The following SLC14A2 variants were observed in gnomAD, a reference collection of about 807,000 sequenced individuals.
SLC14A2 encodes urea transporter 2.
In SLC14A2, 91 loss-of-function variants were observed where a neutral mutation model predicts 104.6. The ratio of observed to expected loss-of-function variants is 0.87; its 90% confidence interval spans 0.73 to 1.04. The LOEUF is 1.04. SLC14A2 is among the 50% of genes least tolerant of loss of function. The pLI is 0.00. For missense variants in SLC14A2, 1,189 were observed against 1,156.0 expected (o/e 1.03, Z -0.41); for synonymous variants, 476 against 466.4 (o/e 1.02, Z -0.27).
At chr18:45,639,391 CAGA>C (rs1568308982) in intron 6 of SLC14A2, among the ~76,000 whole-genome samples, 1 of 152,158 alleles carries the variant, frequency 6.6e-6, no homozygotes, top group Non-Finnish European at 1.5e-5. Flanking sequence ...GTATGGATTT[CAGA>C]AGGTCTAGAG....
intron 4 of SLC14A2, among the ~76,000 whole-genome samples, chr18:45,627,426 A>G (rs1284422139): frequency 6.6e-6 from 1 of 152,230 alleles, no homozygotes; most frequent in Non-Finnish European, 1.5e-5. Flanking sequence ...AGAGCCTACC[A>G]TCTAGTTGAA....
chr18:45,474,386 C>T (rs947561481), intron 1 of SLC14A2, among the ~76,000 whole-genome samples: 1 of 152,074 alleles, frequency 6.6e-6, no homozygotes, highest in Non-Finnish European at 1.5e-5. Flanking sequence ...ATGATGTTGG[C>T]CCAGTAAAAT....
chr18:45,240,571 G>A (rs925634108), intron 1 of SLC14A2, among the ~76,000 whole-genome samples: 2 of 151,830 alleles, frequency 1.3e-5, no homozygotes, highest in African/African-American at 2.4e-5. Context: ...TTTTACAGAT[G>A]AGGAAACTGA....
At chr18:45,593,037 G>T (rs2044671063) in intron 2 of SLC14A2, among the ~76,000 whole-genome samples, 1 of 152,196 alleles carries the variant, frequency 6.6e-6, no homozygotes, top group South Asian at 2.1e-4. Context: ...AACATGTGAG[G>T]CCGGGCGCCG....
In SLC14A2 at chr18:45,627,109, G is replaced by A. The variant is rs2045271735; in HGVS notation, c.483G>A (p.Val161=). Residue 161 remains valine, a synonymous_variant, in exon 4 of 20, where the codon GTG becomes GTA. Transcript: ENST00000255226. ...CAATCACTGGGGGCCTGGGGACAGT[G>A]GTCTCGACCTTAACAGCTCTCGCCT... ...WWTITGGLGT[V]VSTLTALALG... is the part of the protein sequence containing the mutation. 1.9e-6 allele frequency: 3 copies of A among 1,614,130 alleles called. No homozygotes were observed. The highest frequency in any genetic ancestry group is 2.5e-6 in the Non-Finnish European group (3 of 1,180,028).
At chr18:45,381,411 A>G (rs1314503044) in intron 1 of SLC14A2, among the ~76,000 whole-genome samples, 1 of 152,174 alleles carries the variant, frequency 6.6e-6, no homozygotes, top group Admixed American at 6.5e-5. Flanking sequence ...AGAAGGGACG[A>G]CCTCTTGAAC....
At position 45,641,231 on chromosome 18, in the gene SLC14A2, C is replaced by T. The variant is rs2045522373; in HGVS notation, c.1014C>T (p.Phe338=). 2 of 1,614,094 alleles carry T rather than the reference C, an allele frequency of 1.2e-6. No individual in the cohort carries two copies. The highest frequency in any genetic ancestry group is 1.7e-6 in the Non-Finnish European group (2 of 1,179,984). The part of the protein sequence containing the change: ...LLAALSVATP[F]ETIYTGLWSY... Reference sequence around the variant, plus strand: ...TAGCCCTGTCAGTGGCCACACCCTTCGAGACCATCTACACAGGCCTCTGGA... The same window carrying T: ...TAGCCCTGTCAGTGGCCACACCCTTTGAGACCATCTACACAGGCCTCTGGA... The change falls in exon 8 of 20, where the codon TTC becomes TTT. Residue 338 remains phenylalanine (F), a synonymous_variant. Coordinates refer to ENST00000255226, the MANE Select transcript of SLC14A2 (RefSeq NM_007163.4).
chr18:45,564,155 T>C (rs752143960), intron 2 of SLC14A2, among the ~76,000 whole-genome samples: 6 of 152,234 alleles, frequency 3.9e-5, no homozygotes, highest in African/African-American at 1.4e-4. Flanking sequence ...ACAAGATGAA[T>C]GGTGCATATA....
chr18:45,588,034 T>C (rs919409044), intron 2 of SLC14A2, among the ~76,000 whole-genome samples: 3 of 152,082 alleles, frequency 2.0e-5, no homozygotes, highest in African/African-American at 7.2e-5. Flanking sequence ...AAATGCCGGA[T>C]TGACCCTTTT....
chr18:45,456,431 C>A (rs910022767), intron 1 of SLC14A2, among the ~76,000 whole-genome samples: 4 of 152,236 alleles, frequency 2.6e-5, no homozygotes, highest in Admixed American at 1.3e-4. Context: ...ACAGCAAAAG[C>A]TCCCTGAAGG....
At chr18:45,500,360 G>A (rs910654573) in intron 2 of SLC14A2, among the ~76,000 whole-genome samples, 3 of 151,882 alleles carry the variant, frequency 2.0e-5, no homozygotes, top group African/African-American at 4.8e-5. Context: ...GGCGGATCAC[G>A]AGGTCAGGAG....
At chr18:45,209,641 A>G (rs571489152), upstream of SLC14A2, among the ~76,000 whole-genome samples, 6 of 152,098 alleles carry the variant, frequency 3.9e-5, no homozygotes, top group African/African-American at 1.2e-4. Flanking sequence ...CTAGGTTTCA[A>G]GTTAGTTAGA....
intron 2 of SLC14A2, among the ~76,000 whole-genome samples, chr18:45,607,171 T>C (rs1408227787): frequency 6.6e-6 from 1 of 152,154 alleles, no homozygotes; most frequent in Non-Finnish European, 1.5e-5. Flanking sequence ...CCCCAAGGGG[T>C]AGCCAGAGGG....
chr18:45,535,480 G>A (rs1017761134), intron 2 of SLC14A2, among the ~76,000 whole-genome samples: 3 of 152,164 alleles, frequency 2.0e-5, no homozygotes, highest in Non-Finnish European at 4.4e-5. Context: ...CGACCATCCC[G>A]TGAGATATAT....
At chr18:45,551,227 A>T (rs1352504087) in intron 2 of SLC14A2, among the ~76,000 whole-genome samples, 5 of 152,198 alleles carry the variant, frequency 3.3e-5, no homozygotes, top group African/African-American at 9.7e-5. Flanking sequence ...GGAATTTTAA[A>T]AAAAAGAACT....
rs1555694992 is a variant in SLC14A2 at position 45,484,253 on chromosome 18, G to GAAGTTGGCACA, written c.-35+931_-35+932insAAGTTGGCACA. On this transcript the variant is annotated intron_variant, in intron 2 of 20. Transcript: ENST00000586448. The stretch of plus-strand genomic sequence containing the variant: ...ACACCCCCACTTCCTACCCAACTTG[G>GAAGTTGGCACA]CCTAAAATTGGCACACATCACTTTC... Among the ~76,000 whole-genome samples the GAAGTTGGCACA allele has an allele frequency of 3.0e-4, 45 of 152,202 alleles. 1 individual carries two copies. In the South Asian group the frequency reaches 9.3e-3, roughly 32 times the overall value.
At chr18:45,678,652 C>T (rs1330292814) in intron 18 of SLC14A2, among the ~76,000 whole-genome samples, 2 of 152,136 alleles carry the variant, frequency 1.3e-5, no homozygotes, top group Non-Finnish European at 2.9e-5. Flanking sequence ...TTGCCTTTGC[C>T]GTATAGTAAA....
rs909419573 is a variant in SLC14A2 at position 45,328,893 on chromosome 18, G to A, written c.-125+115702G>A. 5.3e-5 allele frequency among the ~76,000 whole-genome samples: 8 copies of A among 152,296 alleles called. No homozygotes were observed. The East Asian group carries it at 5.8e-4, about 11-fold the overall frequency. ...AAAAGCAAACCTTAAACCATTTTGC[G>A]AATCCCGCCCTAGATTTCACATTTC... On this transcript the variant is annotated intron_variant, in intron 1 of 20. Coordinates refer to the SLC14A2 transcript ENST00000586448.
At chr18:45,443,828 G>T (rs1235869772) in intron 1 of SLC14A2, among the ~76,000 whole-genome samples, 1 of 152,270 alleles carries the variant, frequency 6.6e-6, no homozygotes, top group East Asian at 1.9e-4. Flanking sequence ...AGGGTGTAAG[G>T]CATTCCCTCT....
Sources: gnomAD v4.1 joint callset for allele counts (sites outside exome capture counted in the v4.1 genomes callset) on GRCh38, gnomAD v4.1.1 for gene constraint, MANE v1.5 for transcripts, NCBI Gene and HGNC (gene_info 2026-07-23, HGNC 2026-07-21) for gene names.